The following SGCD variants were observed in gnomAD, a reference collection of about 807,000 sequenced individuals.
SGCD encodes sarcoglycan delta.
SGCD carries 18 observed loss-of-function variants against 36.6 expected under a neutral mutation model. That is an observed-to-expected ratio of 0.49 (90% CI 0.34 to 0.73). The LOEUF (loss-of-function observed/expected upper bound fraction) is 0.73, where lower values mean the gene tolerates loss of function less well. Among genes scored for constraint, SGCD ranks in the 30% least tolerant of loss-of-function variants. The probability of loss-of-function intolerance (pLI) is 0.01; values close to 1 mark genes in which losing one functional copy is unlikely to be tolerated. For synonymous variants in SGCD, 133 were observed against 130.6 expected (o/e 1.02, Z -0.12); for missense variants, 387 against 346.7 (o/e 1.12, Z -0.92).
chr5:156,211,385 A>G (rs1764437641), intron 3 of SGCD, among the ~76,000 whole-genome samples: 1 of 152,134 alleles, frequency 6.6e-6, no homozygotes, highest in Non-Finnish European at 1.5e-5. Flanking sequence ...AGGGGGGCGG[A>G]TCACGTGGTC....
chr5:156,572,819 G>C (rs1165100381), intron 4 of SGCD, among the ~76,000 whole-genome samples: 1 of 152,124 alleles, frequency 6.6e-6, no homozygotes, highest in African/African-American at 2.4e-5. Flanking sequence ...ACATTAGCTA[G>C]TTAAGTGAGG....
intron 3 of SGCD, among the ~76,000 whole-genome samples, chr5:156,503,943 C>T (rs1299008325): frequency 6.6e-6 from 1 of 151,846 alleles, no homozygotes; most frequent in East Asian, 1.9e-4. Context: ...GTGGCTCATG[C>T]CTGTAATTCC....
intron 1 of SGCD, among the ~76,000 whole-genome samples, chr5:155,993,406 A>G (rs1758476343): frequency 7.1e-6 from 1 of 141,650 alleles, no homozygotes; most frequent in Non-Finnish European, 1.5e-5. Context: ...GTGCAGTGGC[A>G]TGATCTCGGC....
intron 7 of SGCD, among the ~76,000 whole-genome samples, chr5:156,674,913 C>T (rs555816441): frequency 1.1e-4 from 16 of 152,238 alleles, no homozygotes; most frequent in East Asian, 3.9e-4. Flanking sequence ...CAGAATGGGA[C>T]GCAGTGACTT....
chr5:156,439,326 T>C (rs1225650999), intron 3 of SGCD, among the ~76,000 whole-genome samples: 2 of 152,144 alleles, frequency 1.3e-5, no homozygotes, highest in African/African-American at 4.8e-5. Flanking sequence ...TGTGACATTG[T>C]GCTTCAGGAC....
intron 4 of SGCD, among the ~76,000 whole-genome samples, chr5:156,562,541 C>T (rs564176886): frequency 3.3e-5 from 5 of 152,098 alleles, no homozygotes; most frequent in Admixed American, 1.3e-4. Flanking sequence ...GGGTCTCAAA[C>T]GCAATTGTGA....
intron 3 of SGCD, among the ~76,000 whole-genome samples, chr5:156,365,162 CT>C (rs1168311586): frequency 6.6e-6 from 1 of 152,166 alleles, no homozygotes; most frequent in Non-Finnish European, 1.5e-5. Context: ...TACAAAGATG[CT>C]AGAAATCATA....
chr5:156,206,378 G>C (rs1177328039), intron 3 of SGCD, among the ~76,000 whole-genome samples: 4 of 151,906 alleles, frequency 2.6e-5, no homozygotes, highest in Non-Finnish European at 5.9e-5. Flanking sequence ...TAAAACACTA[G>C]ATTTTTGGGT....
chr5:156,599,714 T>C (rs546706286), intron 6 of SGCD, among the ~76,000 whole-genome samples: 10 of 152,300 alleles, frequency 6.6e-5, no homozygotes, highest in East Asian at 1.9e-4. Flanking sequence ...TAAATGTAGG[T>C]AGGCTGTAGT....
At chr5:156,692,864 A>G (rs1754171414) in intron 7 of SGCD, among the ~76,000 whole-genome samples, 1 of 152,248 alleles carries the variant, frequency 6.6e-6, no homozygotes, top group Non-Finnish European at 1.5e-5. Flanking sequence ...ACAAGTTTGT[A>G]GACAAAATTT....
intron 3 of SGCD, among the ~76,000 whole-genome samples, chr5:156,430,813 C>G (rs972309953): frequency 6.6e-6 from 1 of 151,984 alleles, no homozygotes; most frequent in Non-Finnish European, 1.5e-5. Flanking sequence ...TGGTTGTAGT[C>G]GTTATGTTCT....
chr5:155,944,918 A>C (rs190044614), intron 1 of SGCD, among the ~76,000 whole-genome samples: 1 of 148,094 alleles, frequency 6.8e-6, no homozygotes, highest in African/African-American at 2.6e-5. Context: ...ATGCAAAAAA[A>C]AATAATAATA....
chr5:156,048,322 C>A (rs900086845), intron 1 of SGCD, among the ~76,000 whole-genome samples: 3 of 152,150 alleles, frequency 2.0e-5, no homozygotes, highest in Admixed American at 2.0e-4. Context: ...ATTTATAATC[C>A]TTTGGGTATA....
At chr5:155,976,916 C>T (rs1211358874) in intron 1 of SGCD, among the ~76,000 whole-genome samples, 1 of 152,108 alleles carries the variant, frequency 6.6e-6, no homozygotes, top group Non-Finnish European at 1.5e-5. Context: ...GTTTTGTCCC[C>T]TCCTTCATTT....
upstream of SGCD, among the ~76,000 whole-genome samples, chr5:156,322,512 T>C (rs1767697051): frequency 6.6e-6 from 1 of 152,070 alleles, no homozygotes; most frequent in South Asian, 2.1e-4. Context: ...AATACAAATA[T>C]GTATATACAA....
chr5:156,697,611 G>C (rs963522509), intron 7 of SGCD, among the ~76,000 whole-genome samples: 2 of 152,158 alleles, frequency 1.3e-5, no homozygotes, highest in Non-Finnish European at 2.9e-5. Context: ...CTACCTTGGA[G>C]TTTCTCTATC....
At chr5:156,484,877 G>A (rs1367596477) in intron 3 of SGCD, among the ~76,000 whole-genome samples, 1 of 152,092 alleles carries the variant, frequency 6.6e-6, no homozygotes, top group Admixed American at 6.5e-5. Context: ...GGTTAAATTA[G>A]TTTTTAATTC....
chr5:156,582,639 C>T (rs935648079), intron 4 of SGCD, among the ~76,000 whole-genome samples: 8 of 152,124 alleles, frequency 5.3e-5, no homozygotes, highest in African/African-American at 1.9e-4. Flanking sequence ...TATTTTTTTT[C>T]TCCTATGCAG....
At chr5:156,579,426 G>A (rs1760141873) in intron 4 of SGCD, among the ~76,000 whole-genome samples, 1 of 152,022 alleles carries the variant, frequency 6.6e-6, no homozygotes. Flanking sequence ...TCTCTTTCAG[G>A]TCCACTTGGT....
Sources: allele counts gnomAD v4.1 joint callset (sites outside exome capture counted in the v4.1 genomes callset), GRCh38; gene constraint gnomAD v4.1.1; transcripts MANE v1.5; gene names NCBI Gene and HGNC (gene_info 2026-07-23, HGNC 2026-07-21).